The following GRM5 variants were observed in gnomAD, a reference collection of about 807,000 sequenced individuals.
GRM5 encodes metabotropic glutamate receptor 5.
A neutral mutation model predicts 83.1 loss-of-function variants in GRM5; 19 were observed. That is an observed-to-expected ratio of 0.23 (90% CI 0.16 to 0.34). The LOEUF is 0.34. Ranked by LOEUF, GRM5 falls within the 10% of genes least tolerant of loss-of-function variation. The pLI, the probability that GRM5 is intolerant of heterozygous loss-of-function variation, is 1.00. For synonymous variants in GRM5, 675 were observed against 633.6 expected (o/e 1.07, Z -0.98); for missense variants, 1,160 against 1,588.3 (o/e 0.73, Z 4.58).
At chr11:89,009,534 T>C (rs1940623445) in intron 2 of GRM5, among the ~76,000 whole-genome samples, 1 of 152,074 alleles carries the variant, frequency 6.6e-6, no homozygotes, top group South Asian at 2.1e-4. Flanking sequence ...ATAAAGTATG[T>C]ATGAAATTGT....
At chr11:88,886,214 C>T (rs1945041998) in intron 2 of GRM5, among the ~76,000 whole-genome samples, 3 of 152,160 alleles carry the variant, frequency 2.0e-5, no homozygotes, top group South Asian at 4.1e-4. Flanking sequence ...AACCTTTGCT[C>T]GTAAACTTCT....
At chr11:88,910,845 AT>A (rs5793356) in intron 2 of GRM5, among the ~76,000 whole-genome samples, 144,256 of 151,070 alleles carry the variant, frequency 0.95, 68,943 homozygotes, top group East Asian at 0.99. Flanking sequence ...TGTAGAACGT[AT>A]TTTTTTTTTG....
chr11:88,912,767 AAAAC>A (rs1384408543), intron 2 of GRM5, among the ~76,000 whole-genome samples: 2 of 152,334 alleles, frequency 1.3e-5, no homozygotes, highest in South Asian at 2.1e-4. Flanking sequence ...AACTTATTTT[AAAAC>A]AAACAAACAA....
At chr11:88,568,427 A>G (rs1249086038) in intron 7 of GRM5, among the ~76,000 whole-genome samples, 1 of 152,152 alleles carries the variant, frequency 6.6e-6, no homozygotes, top group East Asian at 1.9e-4. Flanking sequence ...TGGCAAACTT[A>G]CAGTTAAAGT....
chr11:88,625,224 C>A (rs542802477), intron 4 of GRM5, among the ~76,000 whole-genome samples: 1 of 152,208 alleles, frequency 6.6e-6, no homozygotes, highest in African/African-American at 2.4e-5. Flanking sequence ...ATTTCTACCT[C>A]ACTCAGAGAA....
intron 3 of GRM5, among the ~76,000 whole-genome samples, chr11:88,753,059 T>C (rs1440855068): frequency 6.6e-6 from 1 of 152,170 alleles, no homozygotes; most frequent in Non-Finnish European, 1.5e-5. Context: ...AAATATTTCA[T>C]GATGAAATCA....
At chr11:88,537,833 T>A (rs1942170150) in intron 8 of GRM5, among the ~76,000 whole-genome samples, 1 of 152,146 alleles carries the variant, frequency 6.6e-6, no homozygotes, top group African/African-American at 2.4e-5. Context: ...TGAGCATGAT[T>A]AATAGCTCCA....
intron 2 of GRM5, among the ~76,000 whole-genome samples, chr11:88,911,466 T>G (rs540227826): frequency 5.9e-5 from 9 of 152,192 alleles, no homozygotes; most frequent in Non-Finnish European, 1.3e-4. Flanking sequence ...ATAGATTTTT[T>G]GTACTCAACA....
intron 2 of GRM5, among the ~76,000 whole-genome samples, chr11:88,969,931 T>C (rs1939116900): frequency 6.6e-6 from 1 of 152,122 alleles, no homozygotes; most frequent in South Asian, 2.1e-4. Flanking sequence ...GCCGTACTTT[T>C]ATACATGATG....
intron 3 of GRM5, among the ~76,000 whole-genome samples, chr11:88,747,520 T>A (rs11822828): frequency 0.15 from 22,516 of 152,010 alleles, 1,927 homozygotes; most frequent in African/African-American, 0.23. Context: ...CCTCTCTAGA[T>A]GATAGATACA....
At chr11:88,962,400 C>G (rs540168732) in intron 2 of GRM5, among the ~76,000 whole-genome samples, 5 of 152,348 alleles carry the variant, frequency 3.3e-5, no homozygotes, top group African/African-American at 1.2e-4. Context: ...ATTCAACTAA[C>G]CATTCACTCA....
At chr11:88,736,810 AC>A (rs1456110761) in intron 3 of GRM5, among the ~76,000 whole-genome samples, 6 of 152,180 alleles carry the variant, frequency 3.9e-5, no homozygotes, top group African/African-American at 1.4e-4. Flanking sequence ...TAGCCATTAT[AC>A]TAGGGACACT....
intron 4 of GRM5, among the ~76,000 whole-genome samples, chr11:88,608,720 C>T (rs1424119601): frequency 6.6e-6 from 1 of 151,918 alleles, no homozygotes; most frequent in Non-Finnish European, 1.5e-5. Flanking sequence ...CGGGGTTTCA[C>T]CATGTTAGCC....
intron 6 of GRM5, among the ~76,000 whole-genome samples, chr11:88,595,543 C>T (rs966880280): frequency 6.6e-6 from 1 of 152,182 alleles, no homozygotes; most frequent in Non-Finnish European, 1.5e-5. Context: ...ACATTCTGTT[C>T]TCCAGTTCTG....
chr11:88,680,628 G>A (rs1046128695), intron 3 of GRM5, among the ~76,000 whole-genome samples: 12 of 152,104 alleles, frequency 7.9e-5, no homozygotes, highest in African/African-American at 2.7e-4. Context: ...TCCCATTACT[G>A]GGTATATACC....
intron 3 of GRM5, among the ~76,000 whole-genome samples, chr11:88,696,422 A>T (rs1330723736): frequency 6.6e-6 from 1 of 152,094 alleles, no homozygotes; most frequent in Admixed American, 6.6e-5. Context: ...AGGTCTGTGG[A>T]GCCTTTGTCA....
rs1195505799 is a variant in GRM5 at position 88,787,927 on chromosome 11, G to T, written c.911+61979C>A. Among the ~76,000 whole-genome samples the T allele has an allele frequency of 2.6e-5, 4 of 152,144 alleles. No individual in the cohort carries two copies. The East Asian group carries it at 7.7e-4, about 29-fold the overall frequency. ...CCAAGTGGAGATGTCACGTAGGCAG[G>T]TCAATACATAGGCTAGATCTATGCC... On this transcript the variant is annotated intron_variant, in intron 3 of 9. Coordinates refer to ENST00000305447, the MANE Select transcript of GRM5 (RefSeq NM_001143831.3).
intron 4 of GRM5, among the ~76,000 whole-genome samples, chr11:88,622,178 A>G (rs1591388863): frequency 6.6e-6 from 1 of 152,328 alleles, no homozygotes; most frequent in East Asian, 1.9e-4. Flanking sequence ...GAGATAGGAG[A>G]GGAAAGTAGC....
At chr11:88,991,877 G>A (rs1252190878) in intron 2 of GRM5, among the ~76,000 whole-genome samples, 1 of 152,012 alleles carries the variant, frequency 6.6e-6, no homozygotes, top group African/African-American at 2.4e-5. Context: ...ATGGATTAAA[G>A]ACTTAAACGT....
Sources: allele counts gnomAD v4.1 joint callset (sites outside exome capture counted in the v4.1 genomes callset), GRCh38; gene constraint gnomAD v4.1.1; transcripts MANE v1.5; gene names NCBI Gene and HGNC (gene_info 2026-07-23, HGNC 2026-07-21).